Variants in ZCCHC7 observed in about 807,000 individuals in gnomAD.
ZCCHC7 encodes the protein zinc finger CCHC domain-containing protein 7.
A neutral mutation model predicts 52.0 loss-of-function variants in ZCCHC7; 35 were observed. The observed-to-expected ratio is 0.67, with a 90% CI of 0.51 to 0.89. The LOEUF (loss-of-function observed/expected upper bound fraction) is 0.89. Among genes scored for constraint, ZCCHC7 ranks in the 40% least tolerant of loss-of-function variants. The pLI, the probability that ZCCHC7 is intolerant of heterozygous loss-of-function variation, is 0.00. For missense variants in ZCCHC7, 574 were observed against 649.1 expected (o/e 0.88, Z 1.26); for synonymous variants, 217 against 221.5 (o/e 0.98, Z 0.18).
chr9:37,280,699 C>G (rs945074098), intron 2 of ZCCHC7, among the ~76,000 whole-genome samples: 2 of 150,574 alleles, frequency 1.3e-5, no homozygotes, highest in Non-Finnish European at 3.0e-5. Flanking sequence ...TTTTTTGTTA[C>G]TGCTTGATTA....
intron 2 of ZCCHC7, among the ~76,000 whole-genome samples, chr9:37,194,185 ATATAT>A (rs1212528790): frequency 2.0e-5 from 3 of 152,208 alleles, no homozygotes; most frequent in Non-Finnish European, 2.9e-5. Flanking sequence ...GTGGCCTTTA[ATATAT>A]TAAAGAATAT....
intron 2 of ZCCHC7, among the ~76,000 whole-genome samples, chr9:37,210,789 G>C (rs1475453514): frequency 6.6e-6 from 1 of 152,142 alleles, no homozygotes; most frequent in Admixed American, 6.5e-5. Flanking sequence ...CAAGTCACCA[G>C]ATTTCTATCC....
intron 5 of ZCCHC7, among the ~76,000 whole-genome samples, chr9:37,313,728 T>C (rs1829694468): frequency 6.6e-6 from 1 of 152,168 alleles, no homozygotes; most frequent in African/African-American, 2.4e-5. Context: ...CTGCCCCTCA[T>C]TTGCTCTCTT....
chr9:37,291,038 G>A (rs1828512696), intron 2 of ZCCHC7, among the ~76,000 whole-genome samples: 1 of 152,144 alleles, frequency 6.6e-6, no homozygotes, highest in Non-Finnish European at 1.5e-5. Flanking sequence ...CTAAAGTATT[G>A]CATTATCTTT....
chr9:37,310,894 C>T (rs563807314), intron 5 of ZCCHC7, among the ~76,000 whole-genome samples: 53 of 148,584 alleles, frequency 3.6e-4, no homozygotes, highest in African/African-American at 1.2e-3. Flanking sequence ...GAGATCAAGG[C>T]TGCAGTGAGC....
chr9:37,292,356 A>T (rs1287042929), intron 2 of ZCCHC7, among the ~76,000 whole-genome samples: 1 of 152,204 alleles, frequency 6.6e-6, no homozygotes, highest in African/African-American at 2.4e-5. Flanking sequence ...TGGAGAGATG[A>T]AGTACTGGTG....
intron 2 of ZCCHC7, among the ~76,000 whole-genome samples, chr9:37,140,173 G>A (rs2068020): frequency 0.14 from 20,726 of 151,804 alleles, 1,720 homozygotes; most frequent in Non-Finnish European, 0.17. Flanking sequence ...AGTATTAAAT[G>A]GTCTGATTTA....
chr9:37,348,669 C>T (rs1445971746), intron 6 of ZCCHC7, among the ~76,000 whole-genome samples: 5 of 152,136 alleles, frequency 3.3e-5, no homozygotes, highest in African/African-American at 9.7e-5. Flanking sequence ...TGAGCCACCA[C>T]ACCTGGCCCA....
At chr9:37,151,709 G>T (rs1380785241) in intron 2 of ZCCHC7, among the ~76,000 whole-genome samples, 1 of 152,112 alleles carries the variant, frequency 6.6e-6, no homozygotes, top group African/African-American at 2.4e-5. Context: ...GGAGCCTGGG[G>T]CAGGAGAATC....
At chr9:37,304,084 T>C (rs1476978674) in intron 3 of ZCCHC7, 104 bp from the exon 4 acceptor site, 3 of 1,120,076 alleles carry the variant, frequency 2.7e-6, no homozygotes, top group African/African-American at 1.6e-5. Context: ...ACTTGAAGCT[T>C]GATGTATCTT....
intron 2 of ZCCHC7, among the ~76,000 whole-genome samples, chr9:37,289,150 CTT>C (rs756165414): frequency 7.1e-6 from 1 of 141,438 alleles, no homozygotes; most frequent in Non-Finnish European, 1.6e-5. Flanking sequence ...TCTTCTTTTA[CTT>C]TTTTTTTTTT....
At chr9:37,351,229 C>T (rs1282804332) in intron 7 of ZCCHC7, among the ~76,000 whole-genome samples, 2 of 152,150 alleles carry the variant, frequency 1.3e-5, no homozygotes, top group East Asian at 3.9e-4. Flanking sequence ...GCTACTGACT[C>T]AACCATGTGA....
chr9:37,222,333 GT>G (rs1824864678), intron 2 of ZCCHC7, among the ~76,000 whole-genome samples: 2 of 48,358 alleles, frequency 4.1e-5, no homozygotes, highest in Non-Finnish European at 9.0e-5. Context: ...AACAGAGTGT[GT>G]GTGTGTGTGT....
intron 2 of ZCCHC7, among the ~76,000 whole-genome samples, chr9:37,276,615 A>G (rs1253384899): frequency 6.6e-6 from 1 of 152,132 alleles, no homozygotes; most frequent in African/African-American, 2.4e-5. Context: ...GCTCATTTTC[A>G]TACTGTCTTT....
At chr9:37,151,797 T>C (rs1425742141) in intron 2 of ZCCHC7, among the ~76,000 whole-genome samples, 1 of 151,994 alleles carries the variant, frequency 6.6e-6, no homozygotes, top group Non-Finnish European at 1.5e-5. Flanking sequence ...AGGGTGAGAC[T>C]CCATCTCAAA....
intron 2 of ZCCHC7, among the ~76,000 whole-genome samples, chr9:37,237,463 C>T (rs1462902356): frequency 6.6e-6 from 1 of 152,084 alleles, no homozygotes; most frequent in Non-Finnish European, 1.5e-5. Context: ...CATGTCTTTC[C>T]CCTTGACTGT....
At chr9:37,288,050 A>G (rs1435325644) in intron 2 of ZCCHC7, among the ~76,000 whole-genome samples, 1 of 152,050 alleles carries the variant, frequency 6.6e-6, no homozygotes, top group Non-Finnish European at 1.5e-5. Context: ...AGGCTGAGGT[A>G]GGTGGATGGC....
At chr9:37,125,500 G>A (rs1564127634) in intron 1 of ZCCHC7, among the ~76,000 whole-genome samples, 2 of 152,196 alleles carry the variant, frequency 1.3e-5, no homozygotes, top group South Asian at 4.1e-4. Context: ...AGAGGGCCGT[G>A]CGATTAATTT....
chr9:37,148,743 T>G (rs778652133), intron 2 of ZCCHC7, among the ~76,000 whole-genome samples: 9 of 152,142 alleles, frequency 5.9e-5, no homozygotes, highest in Non-Finnish European at 1.0e-4. Flanking sequence ...ATATATTTTC[T>G]AAGTTTGAGA....
Sources: gnomAD v4.1 joint callset for allele counts (sites outside exome capture counted in the v4.1 genomes callset) on GRCh38, gnomAD v4.1.1 for gene constraint, MANE v1.5 for transcripts, NCBI Gene and HGNC (gene_info 2026-07-23, HGNC 2026-07-21) for gene names.